TENM4: variants seen among roughly 807,000 people sequenced by gnomAD.
TENM4 encodes teneurin transmembrane protein 4, also known as teneurin-4.
A neutral mutation model predicts 243.3 loss-of-function variants in TENM4; 82 were observed. That is an observed-to-expected ratio of 0.34 (90% CI 0.28 to 0.40). The LOEUF (loss-of-function observed/expected upper bound fraction) is 0.40. Among genes scored for constraint, TENM4 ranks in the 10% least tolerant of loss-of-function variants. TENM4 has a pLI of 1.00. For missense variants in TENM4, 3,138 were observed against 3,673.3 expected (o/e 0.85, Z 3.77); for synonymous variants, 1,412 against 1,456.3 (o/e 0.97, Z 0.69).
intron 19 of TENM4, 30 bp downstream of exon 19, chr11:78,756,775 C>G: frequency 6.3e-7 from 1 of 1,594,394 alleles, no homozygotes; most frequent in African/African-American, 1.3e-5. Flanking sequence ...CTCAGAGAGC[C>G]CTGGCTGGAG....
chr11:78,690,638 AT>A (rs1293937406), intron 28 of TENM4, among the ~76,000 whole-genome samples: 1 of 152,110 alleles, frequency 6.6e-6, no homozygotes. Context: ...ATTTCCAGGC[AT>A]TTTCAGCAAA....
Position 78,971,704 on chromosome 11 carries a change from A to C in TENM4, c.494-68181T>G, listed in dbSNP as rs189059668. ...CAATTGAGCAATTCCACTTTTAGGA[A>C]TTTATCCCTAAAAGTATGATGTCTC... On this transcript the variant is annotated intron_variant, in intron 6 of 33. Coordinates refer to ENST00000278550, the MANE Select transcript of TENM4 (RefSeq NM_001098816.3). Among the ~76,000 whole-genome samples the C allele has an allele frequency of 1.4e-3, 206 of 152,306 alleles. 2 individuals are homozygous for C. The highest frequency in any genetic ancestry group is 1.7e-3 in the Non-Finnish European group (118 of 68,030).
At chr11:78,723,911 G>A (rs1038817215) in intron 23 of TENM4, among the ~76,000 whole-genome samples, 1 of 152,134 alleles carries the variant, frequency 6.6e-6, no homozygotes, top group Non-Finnish European at 1.5e-5. Context: ...TACTTTGTTA[G>A]GTTTTAGGAA....
intron 1 of TENM4, among the ~76,000 whole-genome samples, chr11:79,396,040 T>C (rs989523046): frequency 6.6e-6 from 1 of 152,186 alleles, no homozygotes; most frequent in Admixed American, 6.5e-5. Context: ...CAAGTCCTCA[T>C]GCATTTATTT....
chr11:79,373,302 C>T (rs1216839429), intron 1 of TENM4, among the ~76,000 whole-genome samples: 1 of 133,348 alleles, frequency 7.5e-6, no homozygotes, highest in East Asian at 3.0e-4. Flanking sequence ...AGATGGCTGG[C>T]TGGCTGGCTG....
At chr11:78,777,386 C>T (rs1856758525) in intron 17 of TENM4, among the ~76,000 whole-genome samples, 1 of 152,076 alleles carries the variant, frequency 6.6e-6, no homozygotes. Flanking sequence ...TCCCCAAAAC[C>T]CTTTCCATAA....
At chr11:79,154,645 C>T (rs1458799430) in intron 3 of TENM4, among the ~76,000 whole-genome samples, 3 of 152,136 alleles carry the variant, frequency 2.0e-5, no homozygotes, top group Non-Finnish European at 4.4e-5. Context: ...AGTGCCGTCC[C>T]CAAGGCTGGG....
chr11:78,942,560 G>A (rs772407494), intron 6 of TENM4, among the ~76,000 whole-genome samples: 2 of 152,170 alleles, frequency 1.3e-5, no homozygotes, highest in Non-Finnish European at 2.9e-5. Flanking sequence ...GTGGGCCAAG[G>A]GTTGGACAAG....
intron 2 of TENM4, among the ~76,000 whole-genome samples, chr11:79,219,042 T>G (rs149346589): frequency 2.8e-4 from 43 of 152,252 alleles, no homozygotes; most frequent in Admixed American, 1.2e-3. Flanking sequence ...GGCAGTTTTG[T>G]AAGAGAGATG....
chr11:78,708,990 A>C (rs1859334012), intron 26 of TENM4, among the ~76,000 whole-genome samples: 1 of 148,554 alleles, frequency 6.7e-6, no homozygotes, highest in Non-Finnish European at 1.5e-5. Context: ...TTTTTAAAAA[A>C]AGAGTCTCGT....
In TENM4 at chr11:78,760,331, C is replaced by G. The variant is rs910211614; in HGVS notation, c.2540-3310G>C. On this transcript the variant is annotated intron_variant, in intron 18 of 33. Transcript: ENST00000278550. The stretch of plus-strand genomic sequence containing the variant: ...TGCTTAAGAGAGCCCTCTCTCCAGG[C>G]AAACTACCTGGATTTGGACCCCAGT... Among the ~76,000 whole-genome samples the G allele has an allele frequency of 2.0e-5, 3 of 152,352 alleles. No homozygotes were observed. The South Asian group carries it at 6.2e-4, about 32-fold the overall frequency.
chr11:79,183,594 T>A (rs1348534953), intron 3 of TENM4, among the ~76,000 whole-genome samples: 1 of 152,182 alleles, frequency 6.6e-6, no homozygotes, highest in Non-Finnish European at 1.5e-5. Flanking sequence ...TGGTAACAAA[T>A]GTACCACTCT....
At chr11:78,898,361 T>C (rs1048209745) in intron 7 of TENM4, among the ~76,000 whole-genome samples, 7 of 152,256 alleles carry the variant, frequency 4.6e-5, no homozygotes, top group Non-Finnish European at 1.0e-4. Flanking sequence ...ATAGTATTTA[T>C]TCAGCCATTA....
intron 2 of TENM4, among the ~76,000 whole-genome samples, chr11:79,235,440 T>A (rs534705807): frequency 6.6e-6 from 1 of 152,234 alleles, no homozygotes; most frequent in East Asian, 1.9e-4. Flanking sequence ...CTCCTGCTGC[T>A]CTCTTCCCTA....
intron 6 of TENM4, among the ~76,000 whole-genome samples, chr11:78,945,508 A>C (rs1451952156): frequency 6.6e-6 from 1 of 152,174 alleles, no homozygotes; most frequent in African/African-American, 2.4e-5. Flanking sequence ...ATGATATTGA[A>C]ATTAGGCCAA....
chr11:79,383,583 T>C (rs1858050413), intron 1 of TENM4, among the ~76,000 whole-genome samples: 1 of 152,164 alleles, frequency 6.6e-6, no homozygotes, highest in Non-Finnish European at 1.5e-5. Context: ...CTCACTGGTG[T>C]GTCTTCATGT....
At chr11:78,715,697 G>A (rs1052155548) in intron 25 of TENM4, among the ~76,000 whole-genome samples, 4 of 152,190 alleles carry the variant, frequency 2.6e-5, no homozygotes, top group African/African-American at 9.6e-5. Context: ...AGTTCAAATC[G>A]TAGGTCCCTT....
chr11:78,853,371 A>G (rs1858590402), intron 12 of TENM4, among the ~76,000 whole-genome samples: 1 of 152,202 alleles, frequency 6.6e-6, no homozygotes, highest in Non-Finnish European at 1.5e-5. Context: ...ATTCTGTGCA[A>G]TGTATTGGTA....
chr11:79,261,463 G>A (rs1409607779), intron 2 of TENM4, among the ~76,000 whole-genome samples: 4 of 152,160 alleles, frequency 2.6e-5, no homozygotes, highest in Non-Finnish European at 5.9e-5. Context: ...AATGCTGGGG[G>A]AAGCATCCTG....
Sources: gnomAD v4.1 joint callset for allele counts (sites outside exome capture counted in the v4.1 genomes callset) on GRCh38, gnomAD v4.1.1 for gene constraint, MANE v1.5 for transcripts, NCBI Gene and HGNC (gene_info 2026-07-23, HGNC 2026-07-21) for gene names.